LSAMP: variants seen among roughly 807,000 people sequenced by gnomAD.
The protein encoded by LSAMP is limbic system-associated membrane protein.
In LSAMP, 7 loss-of-function variants were observed where a neutral mutation model predicts 38.6. The observed-to-expected ratio is 0.18, with a 90% CI of 0.10 to 0.34. The LOEUF is 0.34. Among genes scored for constraint, LSAMP ranks in the 10% least tolerant of loss-of-function variants. The probability of loss-of-function intolerance (pLI) is 1.00; values close to 1 mark genes in which losing one functional copy is unlikely to be tolerated. For missense variants in LSAMP, 313 were observed against 420.0 expected (o/e 0.75, Z 2.23); for synonymous variants, 154 against 166.8 (o/e 0.92, Z 0.59).
rs530918822 is a variant in LSAMP, at chr3:115,999,886, G to A, written c.514+19629C>T. 7.6e-4 allele frequency among the ~76,000 whole-genome samples: 115 copies of A among 152,234 alleles called. 5 individuals are homozygous for A. In the South Asian group the frequency reaches 0.023, roughly 31 times the overall value. ...CTGCAAGCACACAGCTTCTGCCACT[G>A]CACAGCTGTCAGCTGCCATTAGCAG... On this transcript the variant is annotated intron_variant, in intron 3 of 6. Coordinates refer to ENST00000490035, the MANE Select transcript of LSAMP (RefSeq NM_002338.5).
At chr3:116,167,787 T>C (rs1258212386) in intron 1 of LSAMP, among the ~76,000 whole-genome samples, 3 of 152,182 alleles carry the variant, frequency 2.0e-5, no homozygotes, top group African/African-American at 7.2e-5. Flanking sequence ...TGTATAATAA[T>C]GTAGGGTTAT....
intron 3 of LSAMP, among the ~76,000 whole-genome samples, chr3:115,997,753 T>TAC (rs1189079190): frequency 0.013 from 1,675 of 124,616 alleles, 36 homozygotes; most frequent in South Asian, 0.018. Context: ...TATATATATA[T>TAC]ACACACACAT....
At chr3:115,949,019 G>C (rs1938196855) in intron 3 of LSAMP, among the ~76,000 whole-genome samples, 1 of 152,144 alleles carries the variant, frequency 6.6e-6, no homozygotes, top group African/African-American at 2.4e-5. Context: ...TGTAATCCCA[G>C]CACTTTGGGA....
At chr3:115,940,886 C>G (rs544117141) in intron 3 of LSAMP, among the ~76,000 whole-genome samples, 1 of 152,290 alleles carries the variant, frequency 6.6e-6, no homozygotes, top group South Asian at 2.1e-4. Context: ...AAGCTTTGTT[C>G]TTCTTTCTCA....
chr3:116,337,801 A>G (rs1049512247), intron 1 of LSAMP, among the ~76,000 whole-genome samples: 2 of 152,018 alleles, frequency 1.3e-5, no homozygotes, highest in African/African-American at 2.4e-5. Context: ...CAAGTATGCA[A>G]TGGAGTCAGT....
chr3:115,997,381 A>C (rs1414987410), intron 3 of LSAMP, among the ~76,000 whole-genome samples: 2 of 151,946 alleles, frequency 1.3e-5, no homozygotes, highest in African/African-American at 4.8e-5. Flanking sequence ...ACAAATAATA[A>C]ACTTTCAAAT....
At chr3:116,088,347 G>C (rs1018366796) in intron 1 of LSAMP, among the ~76,000 whole-genome samples, 4 of 152,130 alleles carry the variant, frequency 2.6e-5, no homozygotes, top group African/African-American at 9.7e-5. Flanking sequence ...TATAATTTAT[G>C]TGTTTAATAA....
chr3:116,006,173 A>G (rs950796734), intron 3 of LSAMP, among the ~76,000 whole-genome samples: 3 of 152,124 alleles, frequency 2.0e-5, no homozygotes, highest in African/African-American at 4.8e-5. Flanking sequence ...TTTGGGTGAT[A>G]ATTAGGTTAA....
chr3:115,847,625 A>G (rs1935201510), intron 4 of LSAMP, among the ~76,000 whole-genome samples: 1 of 152,154 alleles, frequency 6.6e-6, no homozygotes, highest in African/African-American at 2.4e-5. Flanking sequence ...TGTTCTCGTG[A>G]TAGTGAATGA....
intron 1 of LSAMP, among the ~76,000 whole-genome samples, chr3:116,385,110 A>G (rs2048607740): frequency 6.6e-6 from 1 of 151,910 alleles, no homozygotes; most frequent in Non-Finnish European, 1.5e-5. Context: ...ATGAAAAAAA[A>G]AAACACAAAA....
intron 1 of LSAMP, among the ~76,000 whole-genome samples, chr3:116,141,360 G>A (rs912762673): frequency 4.0e-5 from 6 of 151,572 alleles, no homozygotes; most frequent in African/African-American, 1.5e-4. Context: ...AATGGAGGGG[G>A]GATTGCTTCA....
At chr3:115,909,574 T>A (rs983542592) in intron 3 of LSAMP, among the ~76,000 whole-genome samples, 5 of 152,228 alleles carry the variant, frequency 3.3e-5, no homozygotes, top group Admixed American at 1.3e-4. Flanking sequence ...TATTGCTAGA[T>A]ATTGGTTTAA....
At chr3:116,425,321 T>C (rs1390960584) in intron 1 of LSAMP, among the ~76,000 whole-genome samples, 5 of 152,174 alleles carry the variant, frequency 3.3e-5, no homozygotes, top group Non-Finnish European at 7.4e-5. Flanking sequence ...CATGTAACCA[T>C]AGAATGAGTC....
rs188035348 is a variant in LSAMP at position 116,229,814 on chromosome 3, T to C, written c.156-143258A>G. Among the ~76,000 whole-genome samples, 101 of 152,264 alleles carry C rather than the reference T, an allele frequency of 6.6e-4. No individual in the cohort carries two copies. The East Asian group carries it at 0.018, about 27-fold the overall frequency. On this transcript the variant is annotated intron_variant, in intron 1 of 6. Coordinates refer to ENST00000490035, the MANE Select transcript of LSAMP (RefSeq NM_002338.5). ...CATTAGGCCAGATTTTCTTTTTCCCTAAATAATTTCAGATTGTACAGGGGG... is the reference window on the plus strand; with the variant it reads ...CATTAGGCCAGATTTTCTTTTTCCCCAAATAATTTCAGATTGTACAGGGGG...
At chr3:116,181,499 T>C (rs944369753) in intron 1 of LSAMP, among the ~76,000 whole-genome samples, 1 of 152,092 alleles carries the variant, frequency 6.6e-6, no homozygotes, top group African/African-American at 2.4e-5. Flanking sequence ...ATGTCTATAA[T>C]GACTTAGGAC....
At chr3:116,420,594 C>T (rs868047096) in intron 1 of LSAMP, among the ~76,000 whole-genome samples, 8 of 151,708 alleles carry the variant, frequency 5.3e-5, no homozygotes, top group African/African-American at 9.7e-5. Flanking sequence ...GGGCCGGGCG[C>T]GGTGGCTCCA....
intron 2 of LSAMP, among the ~76,000 whole-genome samples, chr3:116,042,492 C>T (rs989035231): frequency 3.3e-5 from 5 of 150,590 alleles, no homozygotes; most frequent in Admixed American, 6.6e-5. Flanking sequence ...TGCAGTGGCA[C>T]GATCTCAGCT....
chr3:116,250,693 A>G (rs1256214190), intron 1 of LSAMP, among the ~76,000 whole-genome samples: 4 of 45,546 alleles, frequency 8.8e-5, no homozygotes, highest in Non-Finnish European at 1.3e-4. Flanking sequence ...AAAACCTTGT[A>G]TCTACAAAAA....
chr3:116,328,069 TGAGCCCC>T (rs2047797530), intron 1 of LSAMP, among the ~76,000 whole-genome samples: 1 of 152,194 alleles, frequency 6.6e-6, no homozygotes, highest in Non-Finnish European at 1.5e-5. Flanking sequence ...GCTCATTAGT[TGAGCCCC>T]GAAGTGTTTA....
Sources: gnomAD v4.1 joint callset for allele counts (sites outside exome capture counted in the v4.1 genomes callset) on GRCh38, gnomAD v4.1.1 for gene constraint, MANE v1.5 for transcripts, NCBI Gene and HGNC (gene_info 2026-07-23, HGNC 2026-07-21) for gene names.